TXLNB: variants seen among roughly 807,000 people sequenced by gnomAD.
TXLNB encodes the protein beta-taxilin.
Under a neutral mutation model 57.4 loss-of-function variants are expected in TXLNB, and 37 were observed. That is an observed-to-expected ratio of 0.64 (90% CI 0.50 to 0.85). The LOEUF is 0.85. Ranked by LOEUF, TXLNB falls within the 40% of genes least tolerant of loss-of-function variation. The probability of loss-of-function intolerance (pLI) is 0.00; values close to 1 mark genes in which losing one functional copy is unlikely to be tolerated. For missense variants in TXLNB, 848 were observed against 825.6 expected (o/e 1.03, Z -0.33); for synonymous variants, 302 against 309.6 (o/e 0.98, Z 0.26).
the TXLNB span, among the ~76,000 whole-genome samples, chr6:139,206,359 A>G: frequency 2.0e-5 from 3 of 152,310 alleles, no homozygotes; most frequent in African/African-American, 7.2e-5. Flanking sequence ...AATGACCTAA[A>G]TGCTCCACCT....
the TXLNB span, among the ~76,000 whole-genome samples, chr6:139,232,442 T>G: frequency 6.6e-6 from 1 of 152,240 alleles, no homozygotes; most frequent in South Asian, 2.1e-4. Flanking sequence ...TACTCTCATC[T>G]AATATATATT....
At chr6:139,168,425 G>GTT in the TXLNB span, among the ~76,000 whole-genome samples, 104 of 138,194 alleles carry the variant, frequency 7.5e-4, 2 homozygotes, top group African/African-American at 2.1e-3. Flanking sequence ...GATTTGCATA[G>GTT]TTTTTTTTTT....
At chr6:139,256,322 CTTTTCTT>C (rs1776338734) in intron 6 of TXLNB, among the ~76,000 whole-genome samples, 1 of 152,092 alleles carries the variant, frequency 6.6e-6, no homozygotes, top group South Asian at 2.1e-4. Flanking sequence ...GCAACTGTTT[CTTTTCTT>C]TTTTCTTTTT....
At chr6:139,186,795 T>C in the TXLNB span, among the ~76,000 whole-genome samples, 1 of 152,184 alleles carries the variant, frequency 6.6e-6, no homozygotes, top group Non-Finnish European at 1.5e-5. Flanking sequence ...AAGGAACAGA[T>C]TCTTCATACA....
the TXLNB span, among the ~76,000 whole-genome samples, chr6:139,318,269 C>CAAAAA: frequency 8.8e-4 from 49 of 55,508 alleles, no homozygotes; most frequent in Middle Eastern, 9.3e-3. Context: ...GACTCTGTCT[C>CAAAAA]AAAAAAAAAA....
At chr6:139,290,245 T>C (rs1172891618) in intron 1 of TXLNB, among the ~76,000 whole-genome samples, 2 of 152,134 alleles carry the variant, frequency 1.3e-5, no homozygotes, top group African/African-American at 4.8e-5. Context: ...CCAGGTGTGG[T>C]GGCGGGCACC....
At chr6:139,214,966 T>C in the TXLNB span, among the ~76,000 whole-genome samples, 3 of 151,816 alleles carry the variant, frequency 2.0e-5, no homozygotes, top group Non-Finnish European at 4.4e-5. Flanking sequence ...CACTGCTCAA[T>C]GAAATAAAAG....
chr6:139,280,456 A>C (rs1777019205), intron 2 of TXLNB, among the ~76,000 whole-genome samples: 1 of 152,084 alleles, frequency 6.6e-6, no homozygotes, highest in East Asian at 1.9e-4. Context: ...AGCCTGGCCA[A>C]TACATAGTAA....
rs181411419 is a variant in TXLNB, at chr6:139,273,626, A to G, written c.517-3000T>C. ...ACAACAGTTGTGTGCCACCATGCCCAGCTAATTTTTTTGTAGAGATGGGTT... is the reference window on the plus strand; with the variant it reads ...ACAACAGTTGTGTGCCACCATGCCCGGCTAATTTTTTTGTAGAGATGGGTT... On this transcript the variant is annotated intron_variant, in intron 3 of 9. Transcript: ENST00000358430. 3.6e-3 allele frequency among the ~76,000 whole-genome samples: 542 copies of G among 152,108 alleles called. 2 individuals are homozygous for G. Among genetic ancestry groups the G allele is most frequent in the South Asian group, 0.027 (129 of 4,822 alleles).
chr6:139,308,184 G>T, the TXLNB span, among the ~76,000 whole-genome samples: 2 of 152,208 alleles, frequency 1.3e-5, no homozygotes, highest in East Asian at 3.8e-4. Context: ...TGGAAGGGCT[G>T]ATGGTTGTTA....
the TXLNB span, among the ~76,000 whole-genome samples, chr6:139,171,659 T>C: frequency 6.6e-6 from 1 of 152,168 alleles, no homozygotes; most frequent in Non-Finnish European, 1.5e-5. Flanking sequence ...TATCTCAGTC[T>C]GTCACCCTGG....
At chr6:139,289,173 G>T (rs1430534939) in intron 1 of TXLNB, among the ~76,000 whole-genome samples, 1 of 152,214 alleles carries the variant, frequency 6.6e-6, no homozygotes, top group Non-Finnish European at 1.5e-5. Flanking sequence ...CAGACAGCCT[G>T]GTGCCGCGCC....
At chr6:139,196,391 T>TTTTG in the TXLNB span, among the ~76,000 whole-genome samples, 1 of 114,716 alleles carries the variant, frequency 8.7e-6, no homozygotes, top group African/African-American at 3.6e-5. Context: ...TTTTTTTTTT[T>TTTTG]GAGATGGAGT....
the TXLNB span, among the ~76,000 whole-genome samples, chr6:139,223,676 C>A: frequency 6.6e-6 from 1 of 151,626 alleles, no homozygotes; most frequent in Non-Finnish European, 1.5e-5. Context: ...ATTTATGCAG[C>A]CAAAAAACAC....
rs1052542854 is a variant in TXLNB, at chr6:139,288,740, CGG to C, written c.158_159del (p.Pro53ArgfsTer4). The C allele has an allele frequency of 6.2e-7, 1 of 1,614,032 alleles. No individual in the cohort carries two copies. The highest frequency in any genetic ancestry group is 1.3e-5 in the African/African-American group (1 of 74,914). ...QPPEKEASVH[P>X]DISEELNRQL... The stretch of plus-strand genomic sequence containing the variant: ...TGTCGATTCAGCTCTTCAGAGATAT[CGG>C]GGTGCACACTTGCCTCTTTCTCTGG... On this transcript the variant is annotated frameshift_variant, in exon 2 of 10. Coordinates refer to ENST00000358430, the MANE Select transcript of TXLNB (RefSeq NM_153235.4). LOFTEE classifies it high-confidence loss of function.
chr6:139,182,988 G>A, the TXLNB span: 5 of 152,104 alleles, frequency 3.3e-5, no homozygotes, highest in Non-Finnish European at 7.4e-5. Context: ...ATCAAGCATA[G>A]AACTAATTGT....
At chr6:139,296,034 ACC>A (rs34197940), upstream of TXLNB, among the ~76,000 whole-genome samples, 545 of 149,494 alleles carry the variant, frequency 3.6e-3, 1 homozygote, top group African/African-American at 0.013. Flanking sequence ...TAGAACCTTG[ACC>A]CCCCCCTCCT....
In TXLNB at chr6:139,281,853, GTTC is replaced by G. The variant is rs543083461; in HGVS notation, c.425-4935_425-4933del. Among the ~76,000 whole-genome samples the G allele has an allele frequency of 2.3e-4, 27 of 117,976 alleles. 4 individuals carry two copies. The South Asian group carries it at 3.3e-3, about 14-fold the overall frequency. The allele number at this position is 117,976 out of a possible 152,430, so 77.4% of individuals were successfully genotyped here. ...GTGAGCCACCGCGCCCGGCCCTGGA[GTTC>G]TTATTAGGTCAACAGTGATGATGTG... On this transcript the variant is annotated intron_variant, in intron 2 of 9. Coordinates refer to ENST00000358430, the MANE Select transcript of TXLNB (RefSeq NM_153235.4).
Position 139,270,445 on chromosome 6 carries a change from T to C in TXLNB, c.687+11A>G, listed in dbSNP as rs1776729490. On this transcript the variant is annotated intron_variant, in intron 4 of 9. Transcript: ENST00000358430. ...CAAGAAATTATGTTATTCTGAGGCA[T>C]GGGGACATACCTTCAGAGTCTTGTT... The C allele has an allele frequency of 6.2e-7, 1 of 1,610,160 alleles. No individual in the cohort carries two copies. The highest frequency in any genetic ancestry group is 8.5e-7 in the Non-Finnish European group (1 of 1,178,434).
Sources: allele counts gnomAD v4.1 joint callset (sites outside exome capture counted in the v4.1 genomes callset), GRCh38; gene constraint gnomAD v4.1.1; transcripts MANE v1.5; gene names NCBI Gene and HGNC (gene_info 2026-07-23, HGNC 2026-07-21).